SHISA6: variants seen among roughly 807,000 people sequenced by gnomAD.
SHISA6 encodes the protein protein shisa-6.
In SHISA6, 22 loss-of-function variants were observed where a neutral mutation model predicts 47.9. The observed-to-expected ratio is 0.46, with a 90% CI of 0.33 to 0.66. The LOEUF (loss-of-function observed/expected upper bound fraction) is 0.66, where lower values mean the gene tolerates loss of function less well. Ranked by LOEUF, SHISA6 falls within the 30% of genes least tolerant of loss-of-function variation. The pLI is 0.02. For missense variants in SHISA6, 680 were observed against 764.6 expected (o/e 0.89, Z 1.30); for synonymous variants, 388 against 337.8 (o/e 1.15, Z -1.63).
intron 3 of SHISA6, among the ~76,000 whole-genome samples, chr17:11,545,842 A>G (rs937656881): frequency 3.3e-5 from 5 of 152,134 alleles, no homozygotes; most frequent in African/African-American, 1.2e-4. Flanking sequence ...TGTGGCCTGG[A>G]TTTCCTTACA....
At chr17:11,282,735 T>C (rs1380653909) in intron 2 of SHISA6, among the ~76,000 whole-genome samples, 2 of 152,200 alleles carry the variant, frequency 1.3e-5, no homozygotes, top group African/African-American at 4.8e-5. Context: ...GCTATCACAC[T>C]GCATATTCAC....
chr17:11,303,788 G>A (rs1910010031), intron 2 of SHISA6, among the ~76,000 whole-genome samples: 1 of 152,210 alleles, frequency 6.6e-6, no homozygotes, highest in South Asian at 2.1e-4. Flanking sequence ...AAAGCTCGTT[G>A]TAAGGATGAC....
intron 3 of SHISA6, among the ~76,000 whole-genome samples, chr17:11,530,342 T>G (rs973490399): frequency 6.6e-6 from 1 of 152,188 alleles, no homozygotes; most frequent in Non-Finnish European, 1.5e-5. Flanking sequence ...ATCATGGAAG[T>G]GTGCATTATT....
At position 11,252,970 on chromosome 17, in the gene SHISA6, C is replaced by T. The variant is rs8068345; in HGVS notation, c.639-10396C>T. Among the ~76,000 whole-genome samples, 937 of 152,314 alleles carry T rather than the reference C, an allele frequency of 6.2e-3. 7 individuals are homozygous for T. The highest frequency in any genetic ancestry group is 0.021 in the African/African-American group (890 of 41,578). ...ATTTATGCAATGGGAAATATCAATG[C>T]GTTTCAGTGCTCAGATAATCAACAG... is the stretch of plus-strand genomic sequence containing the variant. On this transcript the variant is annotated intron_variant, in intron 1 of 5. Coordinates refer to ENST00000441885, the MANE Select transcript of SHISA6 (RefSeq NM_207386.4).
chr17:11,533,383 A>G (rs2071754063), intron 3 of SHISA6, among the ~76,000 whole-genome samples: 1 of 152,070 alleles, frequency 6.6e-6, no homozygotes, highest in African/African-American at 2.4e-5. Flanking sequence ...TTAAAGTGCC[A>G]TAATCTAACC....
chr17:11,417,559 G>A (rs1406577464), intron 3 of SHISA6, among the ~76,000 whole-genome samples: 2 of 152,220 alleles, frequency 1.3e-5, no homozygotes, highest in Non-Finnish European at 2.9e-5. Flanking sequence ...ATTTAGAGAT[G>A]TAATCTTCAC....
chr17:11,348,893 A>C (rs534954709), intron 2 of SHISA6, among the ~76,000 whole-genome samples: 33 of 152,222 alleles, frequency 2.2e-4, no homozygotes, highest in Non-Finnish European at 4.6e-4. Context: ...GCAAACATAG[A>C]AACAAGTATC....
At chr17:11,284,327 C>T (rs2142163291) in intron 2 of SHISA6, among the ~76,000 whole-genome samples, 1 of 152,296 alleles carries the variant, frequency 6.6e-6, no homozygotes, top group Middle Eastern at 3.4e-3. Flanking sequence ...CAGATGTTTT[C>T]CATCTTCTCT....
At chr17:11,359,692 A>G (rs1006657341) in intron 2 of SHISA6, among the ~76,000 whole-genome samples, 1 of 152,170 alleles carries the variant, frequency 6.6e-6, no homozygotes, top group South Asian at 2.1e-4. Context: ...GAAAGAAAAA[A>G]CAAACTGGTT....
chr17:11,376,232 C>G (rs1206388883), intron 2 of SHISA6, among the ~76,000 whole-genome samples: 1 of 152,156 alleles, frequency 6.6e-6, no homozygotes, highest in Non-Finnish European at 1.5e-5. Context: ...ATATCATCAA[C>G]CCATTAACTC....
intron 1 of SHISA6, among the ~76,000 whole-genome samples, chr17:11,247,686 A>AT (rs1208114894): frequency 6.7e-6 from 1 of 149,608 alleles, no homozygotes; most frequent in Non-Finnish European, 1.5e-5. Flanking sequence ...TTCTGTTGTG[A>AT]TTTTTCCCCT....
rs953555593 is a variant in SHISA6, at chr17:11,563,737, C to G, written c.*5433C>G. ...TACTGTAATATTTTTAGTTTGGGGA[C>G]ACAATTTCCTAAGGGGGGATTAATG... On this transcript the variant is annotated 3_prime_UTR_variant, in exon 6 of 6. Transcript: ENST00000441885. 1.3e-5 allele frequency: 2 copies of G among 152,170 alleles called. No homozygotes were observed. Among genetic ancestry groups the G allele is most frequent in the African/African-American group, 4.8e-5 (2 of 41,446 alleles). 9.4% of individuals were successfully genotyped at this position (152,170 alleles called of 1,614,324 possible). A position where few individuals can be genotyped will look rare whatever the true frequency, so the allele number is the denominator to read the frequency against.
chr17:11,477,771 A>G (rs544716642), intron 3 of SHISA6, among the ~76,000 whole-genome samples: 6 of 151,112 alleles, frequency 4.0e-5, no homozygotes, highest in Admixed American at 2.0e-4. Flanking sequence ...ATGGCTGCAT[A>G]GTATTCCATG....
At chr17:11,379,355 C>T in intron 2 of SHISA6, 59 bp from the exon 3 acceptor site, 1 of 1,272,804 alleles carries the variant, frequency 7.9e-7, no homozygotes, top group Non-Finnish European at 1.1e-6. Context: ...TGCAGCTGCG[C>T]TTGTCTTCCA....
intron 5 of SHISA6, among the ~76,000 whole-genome samples, chr17:11,557,029 C>T (rs182961644): frequency 5.3e-5 from 8 of 152,064 alleles, no homozygotes; most frequent in South Asian, 4.1e-4. Context: ...CTAAATGAGG[C>T]GCACATGTAA....
chr17:11,346,994 G>A (rs1911720646), intron 2 of SHISA6, among the ~76,000 whole-genome samples: 1 of 152,168 alleles, frequency 6.6e-6, no homozygotes, highest in Non-Finnish European at 1.5e-5. Context: ...TATAGGCACA[G>A]TATCATGTTT....
At chr17:11,334,393 G>A (rs996398754) in intron 2 of SHISA6, among the ~76,000 whole-genome samples, 1 of 152,182 alleles carries the variant, frequency 6.6e-6, no homozygotes, top group African/African-American at 2.4e-5. Context: ...GAGAGTGCTT[G>A]AGAAACAAGC....
chr17:11,472,177 C>G (rs1480770271), intron 3 of SHISA6, among the ~76,000 whole-genome samples: 2 of 152,130 alleles, frequency 1.3e-5, no homozygotes, highest in Non-Finnish European at 2.9e-5. Context: ...TAGTTGGAAT[C>G]ATATCAGTAT....
At chr17:11,367,275 G>C (rs1339155603) in intron 2 of SHISA6, among the ~76,000 whole-genome samples, 2 of 152,130 alleles carry the variant, frequency 1.3e-5, no homozygotes, top group African/African-American at 4.8e-5. Context: ...AGAATTTCAG[G>C]AGCTAAGTCC....
Sources: gnomAD v4.1 joint callset for allele counts (sites outside exome capture counted in the v4.1 genomes callset) on GRCh38, gnomAD v4.1.1 for gene constraint, MANE v1.5 for transcripts, NCBI Gene and HGNC (gene_info 2026-07-23, HGNC 2026-07-21) for gene names.